DNAJC14: variants seen among roughly 807,000 people sequenced by gnomAD.
DNAJC14 encodes dnaJ homolog subfamily C member 14.
DNAJC14 carries 12 observed loss-of-function variants against 68.8 expected under a neutral mutation model. That is an observed-to-expected ratio of 0.17 (90% CI 0.11 to 0.28). DNAJC14 has a LOEUF of 0.28. DNAJC14 is among the 10% of genes least tolerant of loss of function. The pLI is 1.00. For synonymous variants in DNAJC14, 350 were observed against 321.5 expected (o/e 1.09, Z -0.95); for missense variants, 764 against 875.6 (o/e 0.87, Z 1.61).
rs1450796433 is a variant in DNAJC14, at chr12:55,821,407, T to C, written c.*570A>G. ...TTTAAAAGGGTGGGAAAAAGTGTCA[T>C]CTGCCCTAAAAGCAAATGACAAGAC... On this transcript the variant is annotated 3_prime_UTR_variant, in exon 7 of 7. Transcript: ENST00000678005. The C allele has an allele frequency of 6.6e-6, 1 of 152,660 alleles. No individual in the cohort carries two copies. The highest frequency in any genetic ancestry group is 1.5e-5 in the Non-Finnish European group (1 of 68,074). 9.5% of individuals were successfully genotyped at this position (152,660 alleles called of 1,614,324 possible).
intron 2 of DNAJC14, among the ~76,000 whole-genome samples, chr12:55,825,504 A>G (rs1361612199): frequency 1.3e-5 from 2 of 151,142 alleles, no homozygotes; most frequent in African/African-American, 2.4e-5. Flanking sequence ...CATTTCCCTC[A>G]AGCATAAGGT....
At chr12:55,826,819 A>G (rs1332959687) in intron 2 of DNAJC14, among the ~76,000 whole-genome samples, 1 of 150,352 alleles carries the variant, frequency 6.7e-6, no homozygotes, top group Non-Finnish European at 1.5e-5. Context: ...AAAAAAGAAG[A>G]ACGTTAACCT....
Position 55,821,925 on chromosome 12 carries a change from T to C in DNAJC14, c.*52A>G. The stretch of plus-strand genomic sequence containing the variant: ...GAGGGATAAATCAAACTCCATCCTG[T>C]GCTACAGCCCTTTTGACTCCCTGAC... On this transcript the variant is annotated 3_prime_UTR_variant, in exon 7 of 7. Transcript: ENST00000678005. The C allele has an allele frequency of 6.5e-7, 1 of 1,543,144 alleles. No homozygotes were observed. Among genetic ancestry groups the C allele is most frequent in the Non-Finnish European group, 8.8e-7 (1 of 1,139,902 alleles).
chr12:55,828,271 T>A lies in DNAJC14; in HGVS notation c.388A>T (p.Asn130Tyr). The A allele has an allele frequency of 6.2e-7, 1 of 1,605,918 alleles. No homozygotes were observed. The highest frequency in any genetic ancestry group is 8.5e-7 in the Non-Finnish European group (1 of 1,176,806). ...NSFLSIPSAC[N>Y]CQGTPGIPEG... is the part of the protein sequence containing the mutation. ...GGAATTCCAGGTGTTCCCTGGCAGT[T>A]GCAAGCAGATGGAATGGAAAGAAAA... The change falls in exon 2 of 7, where the codon AAC (asparagine) becomes TAC (tyrosine). Residue 130 changes from asparagine to tyrosine, a missense_variant. This residue lies in a region of DNAJC14 where 514 missense variants were observed against 521.7 expected (regional missense o/e 0.99). Transcript: ENST00000678005.
chr12:55,824,791 AG>A (rs1486075075), intron 2 of DNAJC14, among the ~76,000 whole-genome samples: 1 of 152,196 alleles, frequency 6.6e-6, no homozygotes, highest in Non-Finnish European at 1.5e-5. Context: ...CTCTACTACT[AG>A]TAGAATTAGT....
chr12:55,825,118 G>A (rs1470155366), intron 2 of DNAJC14, among the ~76,000 whole-genome samples: 2 of 138,262 alleles, frequency 1.4e-5, no homozygotes, highest in Non-Finnish European at 3.1e-5. Flanking sequence ...GAACTGGAGT[G>A]AGACCCTGTC....
chr12:55,822,556 A>G lies in DNAJC14; in HGVS notation c.1795+16T>C, dbSNP rs1179288943. ...TCAGGAAGTATGAGCCTGTATTTCT[A>G]GAGGACAGAGAGTACCTGTGATGTC... is the stretch of plus-strand genomic sequence containing the variant. On this transcript the variant is annotated intron_variant, in intron 5 of 6. Coordinates refer to ENST00000678005, the MANE Select transcript of DNAJC14 (RefSeq NM_032364.6). 6.2e-7 allele frequency: 1 copy of G among 1,614,142 alleles called. No individual in the cohort carries two copies. The highest frequency in any genetic ancestry group is 1.3e-5 in the African/African-American group (1 of 75,026).
rs1880913452 is a variant in DNAJC14 at position 55,829,547 on chromosome 12, A to G, written c.-115T>C. 1.0e-6 allele frequency: 1 copy of G among 984,492 alleles called. No individual in the cohort carries two copies. The highest frequency in any genetic ancestry group is 1.2e-6 in the Non-Finnish European group (1 of 829,856). 61.0% of individuals were successfully genotyped at this position (984,492 alleles called of 1,614,324 possible). ...GCCCGGCCTGGGGCCAGGGTGAGCT[A>G]CGAGAGCCGCTCTCCCGGCTCCGCC... On this transcript the variant is annotated 5_prime_UTR_variant, in exon 1 of 7. Transcript: ENST00000678005.
At chr12:55,825,717 T>C (rs11834264) in intron 2 of DNAJC14, among the ~76,000 whole-genome samples, 12,831 of 151,968 alleles carry the variant, frequency 0.084, 754 homozygotes, top group African/African-American at 0.16. Flanking sequence ...CTAATTTTTT[T>C]GTATTTTTAG....
chr12:55,827,267 T>C lies in DNAJC14; in HGVS notation c.1392A>G (p.Arg464=). 2 of 1,529,330 alleles carry C rather than the reference T, an allele frequency of 1.3e-6. No homozygotes were observed. The highest frequency in any genetic ancestry group is 1.8e-6 in the Non-Finnish European group (2 of 1,136,568). The allele number at this position is 1,529,330 out of a possible 1,614,324, so 94.7% of individuals were successfully genotyped here. ...GGGTACTCACCATCACTGCCAGCTG[T>C]CTATAGGCCTTCTTCAGTTCAACAT... is the stretch of plus-strand genomic sequence containing the variant. The part of the protein sequence containing the change: ...ASDVELKKAY[R]QLAVMVHPDK... The change falls in exon 2 of 7, where the codon AGA becomes AGG. Residue 464 remains arginine (R), a synonymous_variant. Transcript: ENST00000678005.
chr12:55,829,581 A>C lies in DNAJC14; in HGVS notation c.-149T>G. 3.0e-6 allele frequency: 3 copies of C among 985,120 alleles called. No homozygotes were observed. The highest frequency in any genetic ancestry group is 3.6e-6 in the Non-Finnish European group (3 of 829,936). The allele number at this position is 985,120 out of a possible 1,614,324, so 61.0% of individuals were successfully genotyped here. A position where few individuals can be genotyped will look rare whatever the true frequency, so the allele number is the denominator to read the frequency against. ...GCTCTCCCGGCTCCGCCTCCCGCTC[A>C]CGCTCTGCTTCCGCCTTCCGTCCCC... On this transcript the variant is annotated 5_prime_UTR_variant, in exon 1 of 7. Transcript: ENST00000678005.
At position 55,823,209 on chromosome 12, in the gene DNAJC14, G is replaced by C; in HGVS notation, c.1515-20C>G. ...CGTTTCCTAATAGAAGAAATGCTTTGTAAGTCAGAAGGTATTGAGGGAGGG... is the reference window on the plus strand; with the variant it reads ...CGTTTCCTAATAGAAGAAATGCTTTCTAAGTCAGAAGGTATTGAGGGAGGG... On this transcript the variant is annotated intron_variant, in intron 3 of 6. Coordinates refer to ENST00000678005, the MANE Select transcript of DNAJC14 (RefSeq NM_032364.6). The C allele has an allele frequency of 6.2e-7, 1 of 1,613,986 alleles. No individual in the cohort carries two copies. The highest frequency in any genetic ancestry group is 1.3e-5 in the African/African-American group (1 of 75,014).
intron 6 of DNAJC14, 81 bp from the exon 7 acceptor site, chr12:55,822,268 A>G (rs1880687093): frequency 6.5e-7 from 1 of 1,531,082 alleles, no homozygotes; most frequent in Non-Finnish European, 8.8e-7. Context: ...TCAGTTCCCA[A>G]ACTTCCTAGA....
rs1447953498 is a variant in DNAJC14 at position 55,821,191 on chromosome 12, G to A, written c.*786C>T. The stretch of plus-strand genomic sequence containing the variant: ...TAATTTTGGCCATCCTTGCAGAAAA[G>A]AGCCTAAAATTGGGTGATTTACCCA... On this transcript the variant is annotated 3_prime_UTR_variant, in exon 7 of 7. Coordinates refer to ENST00000678005, the MANE Select transcript of DNAJC14 (RefSeq NM_032364.6). The A allele has an allele frequency of 1.3e-5, 2 of 152,628 alleles. No homozygotes were observed. The highest frequency in any genetic ancestry group is 2.4e-5 in the African/African-American group (1 of 41,448). 9.5% of individuals were successfully genotyped at this position (152,628 alleles called of 1,614,324 possible). A position where few individuals can be genotyped will look rare whatever the true frequency, so the allele number is the denominator to read the frequency against.
Position 55,828,563 on chromosome 12 carries a change from T to G in DNAJC14, c.96A>C (p.Glu32Asp). 1 of 1,614,060 alleles carries G rather than the reference T, an allele frequency of 6.2e-7. No homozygotes were observed. ...CCCTGAGTCCTGAGAATGAAGGTATTTCAGGGTCCACGGAGGGTCCTAAAG... is the reference window on the plus strand; with the variant it reads ...CCCTGAGTCCTGAGAATGAAGGTATGTCAGGGTCCACGGAGGGTCCTAAAG... Reference protein sequence around the residue: ...LRTLGPSVDPEIPSFSGLRDS... With the variant: ...LRTLGPSVDPDIPSFSGLRDS... The change falls in exon 2 of 7, where the codon GAA (glutamate) becomes GAC (aspartate). Residue 32 changes from glutamate to aspartate, a missense_variant. Transcript: ENST00000678005.
intron 3 of DNAJC14, 89 bp from the exon 4 acceptor site, chr12:55,823,278 G>T: frequency 6.2e-7 from 1 of 1,601,964 alleles, no homozygotes; most frequent in Non-Finnish European, 8.5e-7. Flanking sequence ...CCCCTGTCTA[G>T]CGAGAAAGAC....
chr12:55,823,248 T>C, intron 3 of DNAJC14, 59 bp from the exon 4 acceptor site: 1 of 1,612,108 alleles, frequency 6.2e-7, no homozygotes, highest in Non-Finnish European at 8.5e-7. Flanking sequence ...AAGGAAGACA[T>C]ATCAGTTGGC....
Position 55,828,255 on chromosome 12 carries a change from G to A in DNAJC14, c.404C>T (p.Pro135Leu), listed in dbSNP as rs769482215. 6.2e-7 allele frequency: 1 copy of A among 1,605,148 alleles called. No individual in the cohort carries two copies. Among genetic ancestry groups the A allele is most frequent in the East Asian group, 2.2e-5 (1 of 44,820 alleles). ...AGAGTAAGGCCCTTCTGGAATTCCA[G>A]GTGTTCCCTGGCAGTTGCAAGCAGA... ...IPSACNCQGT[P>L]GIPEGPYSEG... is the part of the protein sequence containing the mutation. The change falls in exon 2 of 7, where the codon CCT becomes CTT. Residue 135 changes from proline (P) to leucine (L), a missense_variant. Physicochemically the swap from Pro to Leu is moderately conservative, Grantham distance 98. Transcript: ENST00000678005.
chr12:55,821,891 T>C lies in DNAJC14; in HGVS notation c.*86A>G. ...AAGAAAAAGATTCAGTTCCTAGGTG[T>C]TGGGGGAGGAGGGATAAATCAAACT... On this transcript the variant is annotated 3_prime_UTR_variant, in exon 7 of 7. Transcript: ENST00000678005. 1 of 1,355,336 alleles carries C rather than the reference T, an allele frequency of 7.4e-7. No individual in the cohort carries two copies. Among genetic ancestry groups the C allele is most frequent in the Non-Finnish European group, 1.0e-6 (1 of 994,574 alleles). 84.0% of individuals were successfully genotyped at this position (1,355,336 alleles called of 1,614,324 possible). A position where few individuals can be genotyped will look rare whatever the true frequency, so the allele number is the denominator to read the frequency against.
Sources: gnomAD v4.1 joint callset for allele counts (sites outside exome capture counted in the v4.1 genomes callset) on GRCh38, gnomAD v4.1.1 for gene constraint, gnomAD v4.1.1 regional missense constraint, MANE v1.5 for transcripts, NCBI Gene and HGNC (gene_info 2026-07-23, HGNC 2026-07-21) for gene names.